Variants in ACOT12 observed in about 807,000 individuals in gnomAD.
The protein encoded by ACOT12 is acyl-CoA thioesterase 12.
Under a neutral mutation model 67.7 loss-of-function variants are expected in ACOT12, and 51 were observed. The observed-to-expected ratio is 0.75, with a 90% CI of 0.60 to 0.95. The LOEUF (loss-of-function observed/expected upper bound fraction) is 0.95, where lower values mean the gene tolerates loss of function less well. Among genes scored for constraint, ACOT12 ranks in the 40% least tolerant of loss-of-function variants. ACOT12 has a pLI of 0.00. For missense variants in ACOT12, 734 were observed against 708.1 expected (o/e 1.04, Z -0.41); for synonymous variants, 251 against 244.6 (o/e 1.03, Z -0.24).
chr5:81,334,414 C>T (rs1390823316), intron 12 of ACOT12, among the ~76,000 whole-genome samples: 1 of 152,150 alleles, frequency 6.6e-6, no homozygotes, highest in Non-Finnish European at 1.5e-5. Flanking sequence ...AAACACTCCC[C>T]ACGACTTAAG....
At chr5:81,369,921 C>A (rs1760194700) in intron 3 of ACOT12, among the ~76,000 whole-genome samples, 1 of 152,170 alleles carries the variant, frequency 6.6e-6, no homozygotes, top group Admixed American at 6.6e-5. Context: ...TTGTTTTCTT[C>A]ACGACATTTC....
the ACOT12 span, chr5:81,312,457 G>T: frequency 1.0e-6 from 1 of 988,406 alleles, no homozygotes; most frequent in East Asian, 2.4e-5. Context: ...ATATCAAAAT[G>T]AGTTCCTTTC....
chr5:81,366,304 T>C (rs1341045846), intron 3 of ACOT12, among the ~76,000 whole-genome samples: 7 of 152,168 alleles, frequency 4.6e-5, no homozygotes, highest in Admixed American at 4.6e-4. Context: ...ATTCACAATG[T>C]TCAGCATCGA....
chr5:81,365,436 T>A (rs985268314), intron 3 of ACOT12, among the ~76,000 whole-genome samples: 4 of 152,228 alleles, frequency 2.6e-5, no homozygotes, highest in Non-Finnish European at 5.9e-5. Flanking sequence ...CACACAGCTT[T>A]CTGCTTTTAG....
intron 3 of ACOT12, among the ~76,000 whole-genome samples, chr5:81,370,653 T>C (rs1281612007): frequency 6.6e-6 from 1 of 152,172 alleles, no homozygotes; most frequent in Non-Finnish European, 1.5e-5. Context: ...GAGAGCAGCA[T>C]GAACAGATTA....
Position 81,363,817 on chromosome 5 carries a change from AT to A in ACOT12, c.330del (p.Phe111LeufsTer2). On this transcript the variant is annotated frameshift_variant, in exon 4 of 15. Coordinates refer to ENST00000307624, the MANE Select transcript of ACOT12 (RefSeq NM_130767.3). LOFTEE classifies it high-confidence loss of function. ...TCTTTTCCAACTGGTTTGGCTACAA[AT>A]GTGGAGAAAGCCACACTAACAAGCT... ...IEKLVSVAFS[T>X]FVAKPVGKEK... 1 of 1,611,734 alleles carries A rather than the reference AT, an allele frequency of 6.2e-7. No individual in the cohort carries two copies. The highest frequency in any genetic ancestry group is 8.5e-7 in the Non-Finnish European group (1 of 1,178,960).
chr5:81,369,596 C>T (rs760740222), intron 3 of ACOT12, among the ~76,000 whole-genome samples: 6 of 152,132 alleles, frequency 3.9e-5, no homozygotes, highest in South Asian at 2.1e-4. Flanking sequence ...AAATTCTGCA[C>T]GGCGGATCAG....
rs55633789 is a variant in ACOT12 at position 81,373,513 on chromosome 5, G to A, written c.198-1703C>T. Among the ~76,000 whole-genome samples the A allele has an allele frequency of 8.6e-3, 1,315 of 152,310 alleles. 14 individuals are homozygous for A. The highest frequency in any genetic ancestry group is 0.03 in the African/African-American group (1,267 of 41,568). On this transcript the variant is annotated intron_variant, in intron 2 of 14. Coordinates refer to ENST00000307624, the MANE Select transcript of ACOT12 (RefSeq NM_130767.3). ...CCAGTGGTACCTGGAACACCAGCAA[G>A]ACAAAACCATTCATTCCCCTGGAAA...
intron 5 of ACOT12, among the ~76,000 whole-genome samples, chr5:81,350,955 C>T (rs1013817510): frequency 6.6e-6 from 1 of 152,204 alleles, no homozygotes; most frequent in Non-Finnish European, 1.5e-5. Flanking sequence ...CTGGGTCCTC[C>T]AGGACAAATG....
intron 5 of ACOT12, among the ~76,000 whole-genome samples, chr5:81,356,846 C>A (rs1759732115): frequency 6.6e-6 from 1 of 152,046 alleles, no homozygotes; most frequent in Non-Finnish European, 1.5e-5. Flanking sequence ...GCACCCCTCG[C>A]CTTTCGCCTG....
the ACOT12 span, among the ~76,000 whole-genome samples, chr5:81,319,617 C>T: frequency 5.3e-5 from 8 of 151,306 alleles, no homozygotes; most frequent in South Asian, 1.7e-3. Context: ...CTTGGGTGGC[C>T]GAGGCAGGAG....
intron 5 of ACOT12, 161 bp downstream of exon 5, chr5:81,359,742 T>A: frequency 2.9e-6 from 2 of 680,260 alleles, no homozygotes; most frequent in Non-Finnish European, 4.6e-6. Flanking sequence ...ACATTCTCAA[T>A]GGCCAGGTTT....
At chr5:81,384,793 T>C (rs1016050010) in intron 2 of ACOT12, among the ~76,000 whole-genome samples, 8 of 152,128 alleles carry the variant, frequency 5.3e-5, no homozygotes, top group Non-Finnish European at 7.4e-5. Context: ...TCCAGGCATA[T>C]GGGGGAGTGT....
At chr5:81,335,659 C>T (rs1186806950) in intron 12 of ACOT12, 109 bp downstream of exon 12, 1 of 1,336,112 alleles carries the variant, frequency 7.5e-7, no homozygotes, top group East Asian at 2.3e-5. Flanking sequence ...TAAAAATACT[C>T]TTTAAACAAT....
In ACOT12 at chr5:81,345,147, C is replaced by T; in HGVS notation, c.774-106G>A. 2.2e-6 allele frequency: 3 copies of T among 1,364,010 alleles called. No individual in the cohort carries two copies. The East Asian group carries it at 7.1e-5, about 32-fold the overall frequency. The allele number at this position is 1,364,010 out of a possible 1,614,324, so 84.5% of individuals were successfully genotyped here. A position where few individuals can be genotyped will look rare whatever the true frequency, so the allele number is the denominator to read the frequency against. On this transcript the variant is annotated intron_variant, in intron 7 of 14. Transcript: ENST00000307624. ...GCCCACCGCTGCCACCTCCTCTAAG[C>T]AACAGGAGGATAAGGGCCTGGGTTT...
At chr5:81,339,540 C>A (rs1580535325) in intron 11 of ACOT12, among the ~76,000 whole-genome samples, 2 of 152,218 alleles carry the variant, frequency 1.3e-5, no homozygotes, top group Non-Finnish European at 1.5e-5. Flanking sequence ...TCTCCCTCAG[C>A]AATCCACTCC....
the ACOT12 span, among the ~76,000 whole-genome samples, chr5:81,320,996 C>CTA: frequency 6.6e-6 from 1 of 151,954 alleles, no homozygotes; most frequent in African/African-American, 2.4e-5. Context: ...TGGCTCACGT[C>CTA]TGTAATCCTA....
At chr5:81,331,208 C>T (rs943155311) in intron 13 of ACOT12, among the ~76,000 whole-genome samples, 2 of 152,082 alleles carry the variant, frequency 1.3e-5, no homozygotes, top group African/African-American at 2.4e-5. Context: ...TTATTGTGCC[C>T]GACAGGGTTG....
chr5:81,386,995 ATTTTTTT>A (rs869281800), intron 1 of ACOT12, among the ~76,000 whole-genome samples: 3 of 81,334 alleles, frequency 3.7e-5, no homozygotes, highest in Non-Finnish European at 5.4e-5. Context: ...GATGAGTTCC[ATTTTTTT>A]TTTTTTTTTT....
Sources: allele counts gnomAD v4.1 joint callset (sites outside exome capture counted in the v4.1 genomes callset), GRCh38; gene constraint gnomAD v4.1.1; transcripts MANE v1.5; gene names NCBI Gene and HGNC (gene_info 2026-07-23, HGNC 2026-07-21).